LARGE1: variants seen among roughly 807,000 people sequenced by gnomAD.
LARGE1 encodes LARGE xylosyl- and glucuronyltransferase 1, also known as xylosyl- and glucuronyltransferase LARGE1.
Under a neutral mutation model 87.6 loss-of-function variants are expected in LARGE1, and 43 were observed. That is an observed-to-expected ratio of 0.49 (90% CI 0.38 to 0.63). The LOEUF (loss-of-function observed/expected upper bound fraction) is 0.63, where lower values mean the gene tolerates loss of function less well. Ranked by LOEUF, LARGE1 falls within the 30% of genes least tolerant of loss-of-function variation. LARGE1 has a pLI of 0.00. For missense variants in LARGE1, 802 were observed against 1,000.2 expected, an observed-to-expected ratio of 0.80 and a Z score of 2.67; for synonymous variants, 434 against 394.6, an observed-to-expected ratio of 1.10 and a Z score of -1.18.
intron 7 of LARGE1, among the ~76,000 whole-genome samples, chr22:33,392,980 G>A (rs2065588358): frequency 6.6e-6 from 1 of 152,172 alleles, no homozygotes; most frequent in African/African-American, 2.4e-5. Context: ...CAGCCTGCAT[G>A]CTTAGGAGAT....
In LARGE1 at chr22:33,384,314, A is replaced by C; in HGVS notation, c.893-10T>G. 1 of 1,583,216 alleles carries C rather than the reference A, an allele frequency of 6.3e-7. No homozygotes were observed. The highest frequency in any genetic ancestry group is 2.2e-5 in the East Asian group (1 of 44,738). On this transcript the variant is annotated splice_polypyrimidine_tract_variant and intron_variant, in intron 7 of 14. Transcript: ENST00000397394. ...AGTAACAGGATCACCCCTGGGCAAC[A>C]GCACAGGATAAAAGAGAAAATTAAA...
chr22:33,657,822 A>G (rs2081010633), intron 2 of LARGE1, among the ~76,000 whole-genome samples: 1 of 152,010 alleles, frequency 6.6e-6, no homozygotes. Context: ...TTCAACAAAC[A>G]CTTGGTCAGT....
intron 1 of LARGE1, among the ~76,000 whole-genome samples, chr22:33,829,015 T>TTC (rs2062885822): frequency 7.1e-6 from 1 of 140,100 alleles, no homozygotes; most frequent in Non-Finnish European, 1.5e-5. Context: ...TCTTTTTTTT[T>TTC]TTTTTTTTTT....
At chr22:33,242,414 C>T (rs137482) in intron 11 of LARGE1, among the ~76,000 whole-genome samples, 57,418 of 152,046 alleles carry the variant, frequency 0.38, 14,241 homozygotes, top group African/African-American at 0.71. Context: ...GGCTGAGTGA[C>T]ACATTCTCAG....
the LARGE1 span, among the ~76,000 whole-genome samples, chr22:33,120,347 CTTTTCTTTCTT>C: frequency 8.3e-6 from 1 of 119,884 alleles, no homozygotes; most frequent in African/African-American, 3.4e-5. Context: ...CTTTTTCTTT[CTTTTCTTTCTT>C]TTTCTTTCTT....
At chr22:33,676,095 G>C (rs1410621153) in intron 2 of LARGE1, among the ~76,000 whole-genome samples, 3 of 151,886 alleles carry the variant, frequency 2.0e-5, no homozygotes, top group South Asian at 4.1e-4. Flanking sequence ...AAGTTGTAGA[G>C]TGATATTTTA....
intron 5 of LARGE1, among the ~76,000 whole-genome samples, chr22:33,574,986 C>A (rs969373050): frequency 6.6e-6 from 1 of 152,096 alleles, no homozygotes; most frequent in African/African-American, 2.4e-5. Flanking sequence ...TAACAGAAGG[C>A]AGCTGAGAGG....
At chr22:33,107,839 C>T in the LARGE1 span, among the ~76,000 whole-genome samples, 3 of 152,072 alleles carry the variant, frequency 2.0e-5, no homozygotes, top group African/African-American at 7.2e-5. Context: ...CTGTACCCCA[C>T]AGGAAGACCC....
intron 7 of LARGE1, among the ~76,000 whole-genome samples, chr22:33,388,226 G>C (rs1473528401): frequency 6.6e-6 from 1 of 152,000 alleles, no homozygotes; most frequent in African/African-American, 2.4e-5. Flanking sequence ...GGACATTTTG[G>C]TTGTTTACTA....
chr22:33,563,180 G>T (rs977161048), intron 6 of LARGE1: 1 of 152,266 alleles, frequency 6.6e-6, no homozygotes, highest in East Asian at 1.9e-4. Context: ...CCGCTGCAGG[G>T]ACTGCTCCCA....
the LARGE1 span, among the ~76,000 whole-genome samples, chr22:33,131,959 T>C: frequency 1.2e-3 from 181 of 151,854 alleles, no homozygotes; most frequent in Non-Finnish European, 1.9e-4. Flanking sequence ...CTTACATGGA[T>C]GTGCAGAAAA....
chr22:33,073,674 C>T, the LARGE1 span, among the ~76,000 whole-genome samples: 2 of 152,116 alleles, frequency 1.3e-5, no homozygotes, highest in Admixed American at 6.6e-5. Flanking sequence ...CATTCACATT[C>T]TTCATATTCT....
At chr22:33,722,287 AGAGGGAGAG>A (rs2083126280) in intron 2 of LARGE1, among the ~76,000 whole-genome samples, 3 of 124,660 alleles carry the variant, frequency 2.4e-5, no homozygotes, top group Non-Finnish European at 5.1e-5. Flanking sequence ...GAGAGGAGGG[AGAGGGAGAG>A]GAGGGAGAGG....
At chr22:33,419,317 G>A (rs2066610961) in intron 7 of LARGE1, among the ~76,000 whole-genome samples, 1 of 151,866 alleles carries the variant, frequency 6.6e-6, no homozygotes, top group African/African-American at 2.4e-5. Flanking sequence ...AGATCTGGGT[G>A]GAGACACAGG....
chr22:33,350,484 C>G (rs1355808763), intron 9 of LARGE1, among the ~76,000 whole-genome samples: 1 of 152,196 alleles, frequency 6.6e-6, no homozygotes, highest in Non-Finnish European at 1.5e-5. Context: ...GGAGGACAGG[C>G]AGGCTAGAAG....
intron 1 of LARGE1, among the ~76,000 whole-genome samples, chr22:33,858,070 A>G (rs1249168220): frequency 6.6e-6 from 1 of 152,184 alleles, no homozygotes; most frequent in East Asian, 1.9e-4. Flanking sequence ...GGTGAGTGTT[A>G]TAGTTCTGTT....
downstream of LARGE1, among the ~76,000 whole-genome samples, chr22:33,269,549 C>T (rs1928133038): frequency 6.6e-6 from 1 of 152,200 alleles, no homozygotes; most frequent in Non-Finnish European, 1.5e-5. Context: ...TTCAGCACCA[C>T]TTACCCAGGA....
chr22:33,338,354 A>G (rs1938733876), intron 9 of LARGE1, among the ~76,000 whole-genome samples: 1 of 152,066 alleles, frequency 6.6e-6, no homozygotes, highest in African/African-American at 2.4e-5. Context: ...TCCCACACTC[A>G]GAACACGCTT....
rs373250504 is a variant in LARGE1, at chr22:33,473,097, C to CA, written c.788-40833_788-40832insT. Among the ~76,000 whole-genome samples the CA allele has an allele frequency of 3.2e-3, 488 of 152,188 alleles. 3 individuals carry two copies. Among genetic ancestry groups the CA allele is most frequent in the South Asian group, 0.022 (104 of 4,814 alleles). On this transcript the variant is annotated intron_variant, in intron 6 of 14. Transcript: ENST00000397394. ...GGCAAATGAGGATGAGCGAGCCACT[C>CA]TACTGAGTATTAACATATTGAGATG...
Sources: allele counts gnomAD v4.1 joint callset (sites outside exome capture counted in the v4.1 genomes callset), GRCh38; gene constraint gnomAD v4.1.1; transcripts MANE v1.5; gene names NCBI Gene and HGNC (gene_info 2026-07-23, HGNC 2026-07-21).